SCIN: variants seen among roughly 807,000 people sequenced by gnomAD.
SCIN encodes adseverin.
SCIN carries 91 observed loss-of-function variants against 91.8 expected under a neutral mutation model. The ratio of observed to expected loss-of-function variants is 0.99; its 90% confidence interval spans 0.84 to 1.18. The LOEUF is 1.18. Ranked by LOEUF, SCIN falls within the 50% of genes most tolerant of loss-of-function variation. The pLI is 0.00. For synonymous variants in SCIN, 367 were observed against 312.6 expected, an observed-to-expected ratio of 1.17 and a Z score of -1.84; for missense variants, 1,087 against 863.9, an observed-to-expected ratio of 1.26 and a Z score of -3.24.
intron 2 of SCIN, among the ~76,000 whole-genome samples, chr7:12,579,265 T>C (rs1167752168): frequency 3.3e-5 from 5 of 152,204 alleles, no homozygotes; most frequent in African/African-American, 9.7e-5. Flanking sequence ...AAAACACTTA[T>C]ACATTATAGG....
In SCIN at chr7:12,571,325, G is replaced by C. The variant is rs1395173915; in HGVS notation, c.199+340G>C. The C allele has an allele frequency of 5.6e-5, 21 of 376,878 alleles. No individual in the cohort carries two copies. In the East Asian group the frequency reaches 1.2e-3, roughly 21 times the overall value. 23.3% of individuals were successfully genotyped at this position (376,878 alleles called of 1,614,324 possible). ...TCTTGTCCAGGGCCGCTGCCTCAGC[G>C]CACACCGTCTCTGGCCAAGCCCCGC... is the stretch of plus-strand genomic sequence containing the variant. On this transcript the variant is annotated intron_variant, in intron 1 of 15. Coordinates refer to ENST00000297029, the MANE Select transcript of SCIN (RefSeq NM_001112706.3).
rs1410883160 is a variant in SCIN, at chr7:12,581,085, A to G, written c.380A>G (p.Asn127Ser). 47 of 1,551,282 alleles carry G rather than the reference A, an allele frequency of 3.0e-5. No individual in the cohort carries two copies. Among genetic ancestry groups the G allele is most frequent in the Non-Finnish European group, 3.8e-5 (44 of 1,146,720 alleles). The part of the protein sequence containing the change: ...YKAGGVASGL[N>S]HVLTNDLTAK... ...GCTGGAGGCGTGGCATCTGGATTAA[A>G]TCATGTTCTTACGAACGACCTGACA... Residue 127 changes from asparagine to serine, a missense_variant, in exon 3 of 16, where the codon AAT becomes AGT. Coordinates refer to ENST00000297029, the MANE Select transcript of SCIN (RefSeq NM_001112706.3).
chr7:12,591,284 G>A (rs536394006), intron 3 of SCIN, among the ~76,000 whole-genome samples: 1 of 152,270 alleles, frequency 6.6e-6, no homozygotes, highest in African/African-American at 2.4e-5. Context: ...AGGAGGAAGG[G>A]AGCTTACTGC....
chr7:12,570,992 G>A lies in SCIN; in HGVS notation c.199+7G>A. ...CACCTGCACTTCTGGCTCGGTAAGG[G>A]ACGGCGGGCGGCGGGACCCCGACGC... On this transcript the variant is annotated splice_region_variant and intron_variant, in intron 1 of 15. Coordinates refer to ENST00000297029, the MANE Select transcript of SCIN (RefSeq NM_001112706.3). The A allele has an allele frequency of 6.5e-7, 1 of 1,546,354 alleles. No individual in the cohort carries two copies. Among genetic ancestry groups the A allele is most frequent in the South Asian group, 1.2e-5 (1 of 83,764 alleles).
At chr7:12,649,627 A>T in intron 14 of SCIN, 83 bp downstream of exon 14, 2 of 863,436 alleles carry the variant, frequency 2.3e-6, no homozygotes, top group Non-Finnish European at 3.7e-6. Context: ...TGGTAAGTCT[A>T]GATATAAATG....
intron 9 of SCIN, among the ~76,000 whole-genome samples, chr7:12,634,520 A>G (rs150406181): frequency 4.0e-5 from 6 of 151,778 alleles, no homozygotes; most frequent in South Asian, 2.1e-4. Context: ...GGCTTTTGCC[A>G]TTACTTTTAA....
Position 12,651,749 on chromosome 7 carries a change from T to C in SCIN, c.1960-92T>C, listed in dbSNP as rs1784083182. 1.3e-6 allele frequency: 1 copy of C among 749,924 alleles called. No individual in the cohort carries two copies. The highest frequency in any genetic ancestry group is 2.6e-5 in the Admixed American group (1 of 38,978). The allele number at this position is 749,924 out of a possible 1,614,324, so 46.5% of individuals were successfully genotyped here. A position where few individuals can be genotyped will look rare whatever the true frequency, so the allele number is the denominator to read the frequency against. On this transcript the variant is annotated intron_variant, in intron 14 of 15. Coordinates refer to ENST00000297029, the MANE Select transcript of SCIN (RefSeq NM_001112706.3). This position sits in a 1 kb window ranked among gnomAD's most constrained non-coding sequence, Gnocchi z 5.9. ...TTCTGCGGATATTGTGAAGATTGAA[T>C]GAGCAATGTGTGTGTGAAGCACTTT...
chr7:12,617,194 A>G (rs1378748529), intron 4 of SCIN, among the ~76,000 whole-genome samples: 3 of 152,152 alleles, frequency 2.0e-5, no homozygotes, highest in African/African-American at 4.8e-5. Flanking sequence ...TTGACTCTGC[A>G]TATGTAAAGG....
chr7:12,571,107 C>T (rs1053851653), intron 1 of SCIN, 122 bp downstream of exon 1: 25 of 1,117,992 alleles, frequency 2.2e-5, no homozygotes, highest in Non-Finnish European at 2.8e-5. Flanking sequence ...CACTCGCGCC[C>T]CCACGGGGCT....
rs764078016 is a variant in SCIN at position 12,578,203 on chromosome 7, C to T, written c.339C>T (p.Gly113=). 2.1e-5 allele frequency: 33 copies of T among 1,545,448 alleles called. No homozygotes were observed. The highest frequency in any genetic ancestry group is 9.6e-5 in the African/African-American group (7 of 72,668). ...ATGACTTTGTTAGCTATTTCAAAGG[C>T]GGTCTGAAATACAAGGTAAGCAGCT... ...ESNDFVSYFK[G]GLKYKAGGVA... is the part of the protein sequence containing the mutation. The change falls in exon 2 of 16, where the codon GGC becomes GGT. Residue 113 remains glycine (G), a synonymous_variant. Transcript: ENST00000297029.
At chr7:12,585,582 G>C (rs935056713) in intron 3 of SCIN, among the ~76,000 whole-genome samples, 2 of 152,104 alleles carry the variant, frequency 1.3e-5, no homozygotes, top group African/African-American at 4.8e-5. Context: ...AACACATCTA[G>C]AAAATGATTT....
At chr7:12,627,331 G>A (rs962363302) in intron 8 of SCIN, among the ~76,000 whole-genome samples, 7 of 151,908 alleles carry the variant, frequency 4.6e-5, no homozygotes, top group South Asian at 4.2e-4. Flanking sequence ...ATGTTCCTAC[G>A]CCTCCTTGGC....
intron 2 of SCIN, 93 bp downstream of exon 2, chr7:12,578,311 AG>A (rs2115206387): frequency 8.3e-7 from 1 of 1,205,008 alleles, no homozygotes. Flanking sequence ...CGTTGAGGGC[AG>A]GGGTTTTTGT....
chr7:12,583,813 A>T (rs1012424266), intron 3 of SCIN, among the ~76,000 whole-genome samples: 1 of 152,148 alleles, frequency 6.6e-6, no homozygotes, highest in Non-Finnish European at 1.5e-5. Flanking sequence ...AGTCTCTATT[A>T]TAAGGTTCCA....
Position 12,655,359 on chromosome 7 carries a change from G to A in SCIN, c.*2644G>A, listed in dbSNP as rs1784148657. The A allele has an allele frequency of 6.6e-6, 1 of 152,086 alleles. No homozygotes were observed. Among genetic ancestry groups the A allele is most frequent in the South Asian group, 2.1e-4 (1 of 4,828 alleles). 9.4% of individuals were successfully genotyped at this position (152,086 alleles called of 1,614,324 possible). A position where few individuals can be genotyped will look rare whatever the true frequency, so the allele number is the denominator to read the frequency against. ...TAGAAATTAATATGTAATACATACA[G>A]CTAATGTTATAGCTACTTAAGGAAT... On this transcript the variant is annotated 3_prime_UTR_variant, in exon 16 of 16. Coordinates refer to ENST00000297029, the MANE Select transcript of SCIN (RefSeq NM_001112706.3).
chr7:12,607,794 A>C (rs1783108832), intron 4 of SCIN, among the ~76,000 whole-genome samples: 1 of 152,236 alleles, frequency 6.6e-6, no homozygotes, highest in Non-Finnish European at 1.5e-5. Context: ...TACAAGAAAG[A>C]GTAATTATTT....
chr7:12,630,075 A>G (rs112228048), intron 9 of SCIN, among the ~76,000 whole-genome samples: 50 of 152,268 alleles, frequency 3.3e-4, no homozygotes, highest in African/African-American at 1.1e-3. Context: ...TATAATAGGT[A>G]TATAGAATAT....
chr7:12,579,206 C>G (rs1279509512), intron 2 of SCIN, among the ~76,000 whole-genome samples: 1 of 152,076 alleles, frequency 6.6e-6, no homozygotes, highest in Non-Finnish European at 1.5e-5. Flanking sequence ...ATACCTTTAC[C>G]TGTTCAGAGT....
At chr7:12,613,695 G>T (rs943696426) in intron 4 of SCIN, among the ~76,000 whole-genome samples, 1 of 151,836 alleles carries the variant, frequency 6.6e-6, no homozygotes, top group Non-Finnish European at 1.5e-5. Context: ...TGTTTGCAGG[G>T]GTATCTAGTG....
Sources: allele counts gnomAD v4.1 joint callset (sites outside exome capture counted in the v4.1 genomes callset), GRCh38; gene constraint gnomAD v4.1.1; non-coding constraint Gnocchi (gnomAD v3.1); transcripts MANE v1.5; gene names NCBI Gene and HGNC (gene_info 2026-07-23, HGNC 2026-07-21).